Variants in KDM2B observed in about 807,000 individuals in gnomAD.
The protein encoded by KDM2B is lysine-specific demethylase 2B.
In KDM2B, 26 loss-of-function variants were observed where a neutral mutation model predicts 150.0. The ratio of observed to expected loss-of-function variants is 0.17; its 90% CI spans 0.13 to 0.24. The LOEUF (loss-of-function observed/expected upper bound fraction) is 0.24. KDM2B is among the 10% of genes least tolerant of loss of function. The probability of loss-of-function intolerance (pLI) is 1.00; values close to 1 mark genes in which losing one functional copy is unlikely to be tolerated. For synonymous variants in KDM2B, 734 were observed against 729.5 expected (o/e 1.01, Z -0.10); for missense variants, 1,265 against 1,816.9 (o/e 0.70, Z 5.52).
chr12:121,465,219 GT>G (rs1879715052), intron 12 of KDM2B, among the ~76,000 whole-genome samples: 1 of 151,610 alleles, frequency 6.6e-6, no homozygotes, highest in Non-Finnish European at 1.5e-5. Flanking sequence ...AGGTTTGTTT[GT>G]TTTTGTTTTT....
intron 12 of KDM2B, among the ~76,000 whole-genome samples, chr12:121,476,486 T>A (rs570199865): frequency 6.0e-4 from 86 of 143,296 alleles, no homozygotes; most frequent in East Asian, 1.8e-3. Flanking sequence ...TTTTTGTTTT[T>A]AAAAAAAAAA....
chr12:121,410,817 C>T, the KDM2B span, among the ~76,000 whole-genome samples: 2 of 152,184 alleles, frequency 1.3e-5, no homozygotes, highest in Non-Finnish European at 2.9e-5. Context: ...AGGATTGCTT[C>T]TTTACCTTCT....
At position 121,580,255 on chromosome 12, in the gene KDM2B, G is replaced by C. The variant is rs555689699; in HGVS notation, c.126+531C>G. 96 of 1,275,638 alleles carry C rather than the reference G, an allele frequency of 7.5e-5. 2 individuals are homozygous for C. The highest frequency in any genetic ancestry group is 7.0e-4 in the South Asian group (26 of 37,376). The allele number at this position is 1,275,638 out of a possible 1,614,324, so 79.0% of individuals were successfully genotyped here. On this transcript the variant is annotated intron_variant, in intron 1 of 22. Coordinates refer to ENST00000377071, the MANE Select transcript of KDM2B (RefSeq NM_032590.5). ...AGGAAACCATTTTCAGCAGTTGTGG[G>C]GGGGGGGAGGCGTCGACGTCATAAT...
rs1038503105 is a variant in KDM2B at position 121,468,494 on chromosome 12, G to A, written c.1735-15150C>T. On this transcript the variant is annotated intron_variant, in intron 12 of 22. Coordinates refer to ENST00000377071, the MANE Select transcript of KDM2B (RefSeq NM_032590.5). The surrounding 1 kb of genome is among the most constrained non-coding windows in gnomAD (Gnocchi z 4.0). ...AAGGTAACACTAAATATGCACACCT[G>A]TACCTGTTCAGTTTCTCCATCTATA... is the stretch of plus-strand genomic sequence containing the variant. The A allele has an allele frequency of 1.3e-5, 2 of 152,224 alleles. No homozygotes were observed. The highest frequency in any genetic ancestry group is 4.8e-5 in the African/African-American group (2 of 41,448). 9.4% of individuals were successfully genotyped at this position (152,224 alleles called of 1,614,324 possible).
chr12:121,530,835 C>T (rs1208486225), intron 8 of KDM2B, among the ~76,000 whole-genome samples: 1 of 152,140 alleles, frequency 6.6e-6, no homozygotes, highest in Non-Finnish European at 1.5e-5. Flanking sequence ...GATGAGCCAC[C>T]TCCCAGCTCT....
chr12:121,414,911 A>G, the KDM2B span, among the ~76,000 whole-genome samples: 1 of 152,214 alleles, frequency 6.6e-6, no homozygotes, highest in African/African-American at 2.4e-5. Flanking sequence ...CATGGTCAAC[A>G]TGGTGAAACC....
At chr12:121,423,144 T>C in the KDM2B span, among the ~76,000 whole-genome samples, 2 of 152,244 alleles carry the variant, frequency 1.3e-5, no homozygotes, top group Admixed American at 6.5e-5. This position sits in a 1 kb window ranked among gnomAD's most constrained non-coding sequence, Gnocchi z 4.3. Flanking sequence ...ATAGCTAACA[T>C]TTGTTGGGTA....
chr12:121,574,665 G>A, intron 3 of KDM2B, 72 bp from the exon 4 acceptor site: 1 of 1,401,190 alleles, frequency 7.1e-7, no homozygotes, highest in South Asian at 1.2e-5. Flanking sequence ...TGGGCCCGGG[G>A]GGAAGCCATT....
intron 6 of KDM2B, among the ~76,000 whole-genome samples, chr12:121,535,234 C>CAAAAAACA (rs1887994404): frequency 6.6e-6 from 1 of 150,398 alleles, no homozygotes; most frequent in South Asian, 2.1e-4. Context: ...CCCACACACA[C>CAAAAAACA]AAAAAACAAA....
intron 4 of KDM2B, among the ~76,000 whole-genome samples, chr12:121,560,099 G>C (rs1358684286): frequency 6.6e-6 from 1 of 152,080 alleles, no homozygotes. Context: ...CGACCTGTTG[G>C]GCTCAAGCGA....
chr12:121,562,275 G>A (rs1201166306), intron 4 of KDM2B, among the ~76,000 whole-genome samples: 1 of 150,556 alleles, frequency 6.6e-6, no homozygotes, highest in South Asian at 2.1e-4. Context: ...CTGAGGCCAG[G>A]AGTTTGAGAC....
At chr12:121,416,806 A>G in the KDM2B span, among the ~76,000 whole-genome samples, 2 of 152,252 alleles carry the variant, frequency 1.3e-5, no homozygotes, top group Non-Finnish European at 2.9e-5. Context: ...TCAAATACTT[A>G]GCTAACAGTT....
intron 2 of KDM2B, 104 bp downstream of exon 2, chr12:121,578,698 A>C: frequency 2.9e-6 from 2 of 686,998 alleles, no homozygotes; most frequent in Non-Finnish European, 3.8e-6. Context: ...ATCCCCTGGA[A>C]TGGGGGACGC....
At chr12:121,550,448 C>T (rs2142024535) in intron 4 of KDM2B, among the ~76,000 whole-genome samples, 1 of 152,356 alleles carries the variant, frequency 6.6e-6, no homozygotes, top group South Asian at 2.1e-4. Flanking sequence ...ATGATGACAG[C>T]CCAAGGGCCA....
intron 11 of KDM2B, among the ~76,000 whole-genome samples, chr12:121,509,111 T>C (rs782187519): frequency 6.6e-6 from 1 of 151,984 alleles, no homozygotes; most frequent in African/African-American, 2.4e-5. Flanking sequence ...CAGGCTGGAG[T>C]GCAGTGGTGC....
intron 11 of KDM2B, among the ~76,000 whole-genome samples, chr12:121,501,683 C>T (rs1884569873): frequency 1.3e-5 from 2 of 152,096 alleles, no homozygotes; most frequent in South Asian, 4.1e-4. Flanking sequence ...TGCAGTGGCA[C>T]AACCTCAGCT....
chr12:121,496,501 T>TTC (rs1321310603), intron 11 of KDM2B, among the ~76,000 whole-genome samples: 7 of 148,736 alleles, frequency 4.7e-5, no homozygotes, highest in Non-Finnish European at 1.0e-4. Flanking sequence ...TCCTTTTTTT[T>TTC]TTTTTTTTTT....
intron 22 of KDM2B, among the ~76,000 whole-genome samples, chr12:121,431,669 C>T (rs1417242064): frequency 1.3e-5 from 2 of 152,088 alleles, no homozygotes; most frequent in Non-Finnish European, 2.9e-5. Flanking sequence ...TTCCTTTATA[C>T]AGCTAGTCCT....
At chr12:121,541,662 C>T (rs1399968389) in intron 6 of KDM2B, among the ~76,000 whole-genome samples, 1 of 152,014 alleles carries the variant, frequency 6.6e-6, no homozygotes, top group Non-Finnish European at 1.5e-5. Flanking sequence ...TCCTGCCACC[C>T]CCAGAAAGTA....
Sources: gnomAD v4.1 joint callset for allele counts (sites outside exome capture counted in the v4.1 genomes callset) on GRCh38, gnomAD v4.1.1 for gene constraint, Gnocchi (gnomAD v3.1) non-coding constraint, MANE v1.5 for transcripts, NCBI Gene and HGNC (gene_info 2026-07-23, HGNC 2026-07-21) for gene names.